Variants in DCAF8L2 observed in about 807,000 individuals in gnomAD.
DCAF8L2 encodes the protein DDB1 and CUL4 associated factor 8 like 2.
For synonymous variants in DCAF8L2, 200 were observed against 190.9 expected, an observed-to-expected ratio of 1.05 and a Z score of -0.39; for missense variants, 430 against 490.7, an observed-to-expected ratio of 0.88 and a Z score of 1.17.
chrX:27,558,720 T>C, the DCAF8L2 span, among the ~76,000 whole-genome samples: 3 of 107,503 alleles, frequency 2.8e-5, no homozygotes, highest in Admixed American at 3.0e-4. Context: ...CAACTCGTCA[T>C]CTAGCATTAG....
At chrX:27,664,653 T>A (rs1929677825) in intron 2 of DCAF8L2, among the ~76,000 whole-genome samples, 1 of 112,184 alleles carries the variant, frequency 8.9e-6, no homozygotes, top group Admixed American at 9.5e-5. Flanking sequence ...CCAGAGAGAA[T>A]AAGTCAATGC....
chrX:27,634,984 A>ATT (rs1569167138), intron 2 of DCAF8L2, among the ~76,000 whole-genome samples: 18 of 98,643 alleles, frequency 1.8e-4, no homozygotes, highest in African/African-American at 7.1e-4. Flanking sequence ...ACACACACAC[A>ATT]TATATAGAGA....
intron 3 of DCAF8L2, among the ~76,000 whole-genome samples, chrX:27,711,052 A>G (rs1931509106): frequency 8.9e-6 from 1 of 112,135 alleles, no homozygotes; most frequent in African/African-American, 3.2e-5. Context: ...TAAAAATTGA[A>G]AATAATTTGA....
chrX:27,580,974 A>G, the DCAF8L2 span, among the ~76,000 whole-genome samples: 5 of 112,015 alleles, frequency 4.5e-5, no homozygotes, highest in Admixed American at 1.9e-4. Context: ...TTATCAACAC[A>G]ATATATCCAG....
intron 2 of DCAF8L2, among the ~76,000 whole-genome samples, chrX:27,654,553 G>A (rs1929277907): frequency 8.9e-6 from 1 of 111,972 alleles, no homozygotes; most frequent in Admixed American, 9.5e-5. Context: ...TCAACAAGCT[G>A]TGGCAACTAG....
At chrX:27,595,923 G>A (rs1390771566) in intron 1 of DCAF8L2, among the ~76,000 whole-genome samples, 6 of 111,693 alleles carry the variant, frequency 5.4e-5, no homozygotes, top group Non-Finnish European at 7.5e-5. Flanking sequence ...CCAGCTACTC[G>A]GGAGGCTGAG....
At chrX:27,524,788 C>T in the DCAF8L2 span, among the ~76,000 whole-genome samples, 7 of 111,604 alleles carry the variant, frequency 6.3e-5, no homozygotes, top group Non-Finnish European at 1.3e-4. Flanking sequence ...TCGTTATGTA[C>T]CCAGTAGTCA....
the DCAF8L2 span, among the ~76,000 whole-genome samples, chrX:27,526,790 C>T: frequency 5.3e-4 from 60 of 112,824 alleles, no homozygotes; most frequent in Non-Finnish European, 9.4e-4. Context: ...TGGAGGTCCA[C>T]TCCAGACCCT....
rs778386644 is a variant in DCAF8L2 at position 27,629,076 on chromosome X, G to A, written c.-341-2803G>A. Among the ~76,000 whole-genome samples, 227 of 111,643 alleles carry A rather than the reference G, an allele frequency of 2.0e-3. 1 individual carries two copies. Among genetic ancestry groups the A allele is most frequent in the African/African-American group, 7.1e-3 (217 of 30,739 alleles). On this transcript the variant is annotated intron_variant, in intron 1 of 4. Coordinates refer to ENST00000451261, the MANE Select transcript of DCAF8L2 (RefSeq NM_001353450.2). ...TTTTTAAACTGGGTTGTTTGTTGTT[G>A]TTGCAGTTGAATTGTATGAGTTTCT... is the stretch of plus-strand genomic sequence containing the variant.
the DCAF8L2 span, among the ~76,000 whole-genome samples, chrX:27,578,999 G>T: frequency 1.8e-5 from 2 of 111,428 alleles, no homozygotes; most frequent in East Asian, 5.6e-4. Context: ...AGACAGTGGC[G>T]ATTCCTCAAT....
chrX:27,469,917 C>T, the DCAF8L2 span, among the ~76,000 whole-genome samples: 15 of 110,388 alleles, frequency 1.4e-4, no homozygotes, highest in South Asian at 3.9e-4. Flanking sequence ...TAAAGGCATG[C>T]GCCACCCTGC....
the DCAF8L2 span, among the ~76,000 whole-genome samples, chrX:27,513,571 G>A: frequency 8.2e-5 from 9 of 109,682 alleles, no homozygotes; most frequent in African/African-American, 3.0e-4. Context: ...TGGGCGTGGT[G>A]GCGTGCGCCT....
At chrX:27,512,810 A>G in the DCAF8L2 span, among the ~76,000 whole-genome samples, 3 of 101,613 alleles carry the variant, frequency 3.0e-5, no homozygotes, top group Admixed American at 1.1e-4. Flanking sequence ...AAAAAAAAAA[A>G]CAAAGCTGGA....
At chrX:27,534,172 C>G in the DCAF8L2 span, among the ~76,000 whole-genome samples, 1 of 106,043 alleles carries the variant, frequency 9.4e-6, no homozygotes, top group Non-Finnish European at 1.9e-5. Context: ...GATCACACCA[C>G]TGTGCTTCAG....
At chrX:27,518,055 C>G in the DCAF8L2 span, 6 of 926,850 alleles carry the variant, frequency 6.5e-6, no homozygotes, top group African/African-American at 7.8e-5. Context: ...CTTTACAGTT[C>G]TAGTTTAGAG....
chrX:27,713,145 A>G (rs1196262436), intron 3 of DCAF8L2, among the ~76,000 whole-genome samples: 1 of 111,863 alleles, frequency 8.9e-6, no homozygotes, highest in Non-Finnish European at 1.9e-5. Flanking sequence ...TATGAAGGGA[A>G]TAATTTTATG....
chrX:27,744,553 CTTTA>C (rs1400102587), intron 4 of DCAF8L2, among the ~76,000 whole-genome samples: 1 of 111,186 alleles, frequency 9.0e-6, no homozygotes, highest in African/African-American at 3.3e-5. Context: ...TTGGTGGTCA[CTTTA>C]TTTATAGGAT....
At chrX:27,631,177 A>G (rs942173372) in intron 1 of DCAF8L2, among the ~76,000 whole-genome samples, 1 of 111,963 alleles carries the variant, frequency 8.9e-6, no homozygotes, top group African/African-American at 3.2e-5. Flanking sequence ...TAGAAAAAGC[A>G]TTGGAAATAA....
intron 3 of DCAF8L2, among the ~76,000 whole-genome samples, chrX:27,700,618 T>C (rs1348078609): frequency 9.0e-6 from 1 of 111,500 alleles, no homozygotes; most frequent in Non-Finnish European, 1.9e-5. Context: ...CGATCACTGC[T>C]TCTTTGGTTA....
Sources: gnomAD v4.1 joint callset for allele counts (sites outside exome capture counted in the v4.1 genomes callset) on GRCh38, gnomAD v4.1.1 for gene constraint, MANE v1.5 for transcripts, NCBI Gene and HGNC (gene_info 2026-07-23, HGNC 2026-07-21) for gene names.